Variants in PNPLA7 observed in about 807,000 individuals in gnomAD.
PNPLA7 encodes patatin-like phospholipase domain-containing protein 7.
Under a neutral mutation model 161.7 loss-of-function variants are expected in PNPLA7, and 153 were observed. That is an observed-to-expected ratio of 0.95 (90% CI 0.83 to 1.08). The LOEUF is 1.08. Among genes scored for constraint, PNPLA7 ranks in the 50% least tolerant of loss-of-function variants. PNPLA7 has a pLI of 0.00. For synonymous variants in PNPLA7, 809 were observed against 782.1 expected (o/e 1.03, Z -0.57); for missense variants, 1,739 against 1,856.6 (o/e 0.94, Z 1.16).
rs777622263 is a variant in PNPLA7 at position 137,462,713 on chromosome 9, C to T, written c.3464G>A (p.Arg1155His). ...GACTTTCGTGGCCAAGGGGTTCCAG[C>T]GTTTCCACAGCAGCCACCACCCAGA... ...ALSGWWLLWK[R>H]WNPLATKVKV... The change falls in exon 30 of 35, where the codon CGC becomes CAC. Residue 1155 changes from arginine (R) to histidine (H), a missense_variant. Physicochemically the swap from Arg to His is conservative, Grantham distance 29. This residue lies in a region of PNPLA7 where 703 missense variants were observed against 694.6 expected (regional missense o/e 1.01). Transcript: ENST00000406427. The T allele has an allele frequency of 2.5e-5, 40 of 1,613,788 alleles. No homozygotes were observed. Among genetic ancestry groups the T allele is most frequent in the Non-Finnish European group, 3.1e-5 (36 of 1,180,004 alleles).
At chr9:137,470,025 TA>T (rs1264612976) in intron 25 of PNPLA7, among the ~76,000 whole-genome samples, 3 of 152,312 alleles carry the variant, frequency 2.0e-5, no homozygotes, top group African/African-American at 7.2e-5. Flanking sequence ...TTAATCTATT[TA>T]TTTTTTATTT....
chr9:137,543,277 G>A lies in PNPLA7; in HGVS notation c.506+155C>T, dbSNP rs1836309752. Among the ~76,000 whole-genome samples the A allele has an allele frequency of 1.3e-5, 2 of 152,156 alleles. No homozygotes were observed. The highest frequency in any genetic ancestry group is 1.9e-4 in the East Asian group (1 of 5,178). On this transcript the variant is annotated intron_variant, in intron 6 of 34. Transcript: ENST00000406427. The surrounding 1 kb of genome is among the most constrained non-coding windows in gnomAD (Gnocchi z 6.9). ...TCTGGTGAAGGAGCCAGCAGACCAC[G>A]AGGCCCCGCCACGGGGCACAGACAC...
intron 18 of PNPLA7, 146 bp from the exon 19 acceptor site, chr9:137,495,292 G>C: frequency 3.3e-6 from 2 of 601,250 alleles, no homozygotes; most frequent in East Asian, 2.8e-5. Flanking sequence ...GAGTGCTGGC[G>C]GGCGACGCTG....
rs572304739 is a variant in PNPLA7, at chr9:137,469,114, A to C, written c.2883-1641T>G. Among the ~76,000 whole-genome samples the C allele has an allele frequency of 6.6e-5, 10 of 152,332 alleles. No homozygotes were observed. In the East Asian group the frequency reaches 1.9e-3, roughly 29 times the overall value. On this transcript the variant is annotated intron_variant, in intron 25 of 34. Transcript: ENST00000406427. The stretch of plus-strand genomic sequence containing the variant: ...AAACAAGAGTGTTAATTCTGGCATA[A>C]AACCAAATGAAAATTCTAGAAGTGA...
Position 137,480,378 on chromosome 9 carries a change from G to A in PNPLA7, c.2514C>T (p.Arg838=). 1 of 1,613,564 alleles carries A rather than the reference G, an allele frequency of 6.2e-7. No individual in the cohort carries two copies. Among genetic ancestry groups the A allele is most frequent in the African/African-American group, 1.3e-5 (1 of 75,058 alleles). Residue 838 remains arginine (R), a synonymous_variant, in exon 23 of 35, where the codon CGC becomes CGT. Coordinates refer to ENST00000406427, the MANE Select transcript of PNPLA7 (RefSeq NM_001098537.3). ...ADGTLTPWTQ[R]CVRQADCILI... ...GGATGCAGTCGGCCTGGCGCACGCA[G>A]CGCTGGGTCCAGGGTGTGAGCGTGC...
At chr9:137,480,536 A>C in intron 22 of PNPLA7, 56 bp from the exon 23 acceptor site, 1 of 1,541,848 alleles carries the variant, frequency 6.5e-7, no homozygotes, top group Non-Finnish European at 8.8e-7. Context: ...CACTCTTAGC[A>C]CATGTCCCCG....
Position 137,462,242 on chromosome 9 carries a change from C to T in PNPLA7, c.3582G>A (p.Glu1194=). ...AGCTGTCGATGGGGGGGCGCAGGTA[C>T]TCGCAGTAGTCACTGCTCTTCACCA... The part of the protein sequence containing the change: ...LEVVKSSDYC[E]YLRPPIDSYS... The change falls in exon 31 of 35, where the codon GAG becomes GAA. Residue 1194 remains glutamate (E), a synonymous_variant. Transcript: ENST00000406427. 1 of 1,609,694 alleles carries T rather than the reference C, an allele frequency of 6.2e-7. No homozygotes were observed. The highest frequency in any genetic ancestry group is 8.5e-7 in the Non-Finnish European group (1 of 1,177,908).
At chr9:137,497,145 G>T in intron 18 of PNPLA7, 42 bp downstream of exon 18, 9 of 1,489,336 alleles carry the variant, frequency 6.0e-6, no homozygotes, top group Non-Finnish European at 8.1e-6. Flanking sequence ...CTCTGGGAGG[G>T]ATGCAGAGGT....
intron 19 of PNPLA7, 117 bp from the exon 20 acceptor site, chr9:137,493,199 C>A: frequency 9.4e-7 from 1 of 1,066,720 alleles, no homozygotes; most frequent in Non-Finnish European, 1.4e-6. Context: ...ATCTGCTTTT[C>A]AAAACCTCCA....
intron 1 of PNPLA7, among the ~76,000 whole-genome samples, chr9:137,549,255 G>A (rs1240075212): frequency 6.6e-6 from 1 of 152,172 alleles, no homozygotes; most frequent in African/African-American, 2.4e-5. Flanking sequence ...GGCCGAGGCG[G>A]GCAGATCATG....
At position 137,495,174 on chromosome 9, in the gene PNPLA7, C is replaced by T. The variant is rs374873779; in HGVS notation, c.2014-28G>A. 5.6e-5 allele frequency: 87 copies of T among 1,555,090 alleles called. 1 individual carries two copies. In the African/African-American group the frequency reaches 8.2e-4, roughly 15 times the overall value. ...GAGGACAGGAGCCGGCTGCTGGGGC[C>T]GCGGGCTTGGGAGGGCCGAGCCAGC... On this transcript the variant is annotated intron_variant, in intron 18 of 34. Coordinates refer to ENST00000406427, the MANE Select transcript of PNPLA7 (RefSeq NM_001098537.3).
chr9:137,498,261 G>T lies in PNPLA7; in HGVS notation c.1758-16C>A. On this transcript the variant is annotated splice_polypyrimidine_tract_variant and intron_variant, in intron 16 of 34. Coordinates refer to ENST00000406427, the MANE Select transcript of PNPLA7 (RefSeq NM_001098537.3). Reference sequence around the variant, plus strand: ...CCGCATGATTCTGCCGGGCAGCCCAGAGTCAATCCTGCCCCATCCCTCCAA... The same window carrying T: ...CCGCATGATTCTGCCGGGCAGCCCATAGTCAATCCTGCCCCATCCCTCCAA... 6.2e-7 allele frequency: 1 copy of T among 1,608,286 alleles called. No individual in the cohort carries two copies. The highest frequency in any genetic ancestry group is 8.5e-7 in the Non-Finnish European group (1 of 1,179,860).
At chr9:137,501,572 G>C in intron 15 of PNPLA7, 78 bp downstream of exon 15, 1 of 1,394,574 alleles carries the variant, frequency 7.2e-7, no homozygotes, top group South Asian at 1.2e-5. Context: ...TCCAGTCCAG[G>C]CCCTCCTCTG....
Position 137,464,351 on chromosome 9 carries a change from G to A in PNPLA7, c.3145C>T (p.Gln1049Ter). The A allele has an allele frequency of 2.5e-6, 4 of 1,613,676 alleles. No individual in the cohort carries two copies. The highest frequency in any genetic ancestry group is 3.4e-6 in the Non-Finnish European group (4 of 1,179,812). ...GGGTGGGGGTGCACCTCGATCTGCTGGTCCTTGAAGACGCTGAAGATGCTG... is the reference window on the plus strand; with the variant it reads ...GGGTGGGGGTGCACCTCGATCTGCTAGTCCTTGAAGACGCTGAAGATGCTG... The part of the protein sequence containing the change: ...NSSIFSVFKD[Q>*]QIEDLWIPYF... Residue 1049 changes from glutamine to a stop codon, truncating the protein, a stop_gained, in exon 27 of 35, where the codon CAG (glutamine) becomes TAG (stop). Coordinates refer to ENST00000406427, the MANE Select transcript of PNPLA7 (RefSeq NM_001098537.3). LOFTEE classifies it high-confidence loss of function.
intron 20 of PNPLA7, among the ~76,000 whole-genome samples, chr9:137,492,722 C>T (rs1352163836): frequency 7.3e-6 from 1 of 136,882 alleles, no homozygotes; most frequent in Non-Finnish European, 1.6e-5. Context: ...AGGCAGGGCT[C>T]CAGAACAGAG....
chr9:137,539,407 T>C (rs7023481), intron 8 of PNPLA7, among the ~76,000 whole-genome samples: 35,644 of 151,738 alleles, frequency 0.23, 4,793 homozygotes, highest in East Asian at 0.67. Context: ...CATGATGGCT[T>C]ATGCCTGTAA....
At chr9:137,480,516 AG>A in intron 22 of PNPLA7, 36 bp from the exon 23 acceptor site, 1 of 1,576,696 alleles carries the variant, frequency 6.3e-7, no homozygotes. Context: ...ACTACTCCGC[AG>A]GGGCCTGGCA....
Position 137,501,652 on chromosome 9 carries a change from G to A in PNPLA7, c.1549C>T (p.Gln517Ter), listed in dbSNP as rs775850750. Residue 517 changes from glutamine to a stop codon, truncating the protein, a stop_gained and splice_region_variant, in exon 15 of 35, where the codon CAG becomes TAG. Transcript: ENST00000406427. LOFTEE classifies it high-confidence loss of function. ...CCCCCCCCCAGACCCCCGCTCACCT[G>A]GTCTCCCTGCCTTGACACCACCGTG... Reference protein sequence around the residue: ...AGTVVSRQGDQDASILFVVSG... With the variant: ...AGTVVSRQGD 1 of 1,612,032 alleles carries A rather than the reference G, an allele frequency of 6.2e-7. No individual in the cohort carries two copies. The highest frequency in any genetic ancestry group is 2.2e-5 in the East Asian group (1 of 44,840).
chr9:137,550,041 T>C (rs1443369397), intron 1 of PNPLA7, 127 bp downstream of exon 1: 8 of 1,138,736 alleles, frequency 7.0e-6, no homozygotes, highest in Non-Finnish European at 9.2e-6. Context: ...ACTCCCACAG[T>C]CCTCAGGCGC....
Sources: allele counts gnomAD v4.1 joint callset (sites outside exome capture counted in the v4.1 genomes callset), GRCh38; gene constraint gnomAD v4.1.1; regional missense constraint gnomAD v4.1.1; non-coding constraint Gnocchi (gnomAD v3.1); transcripts MANE v1.5; gene names NCBI Gene and HGNC (gene_info 2026-07-23, HGNC 2026-07-21).